The following NEB variants were observed in gnomAD, a reference collection of about 807,000 sequenced individuals.
The protein encoded by NEB is nebulin, also known as nemaline myopathy type 2.
Under a neutral mutation model 952.2 loss-of-function variants are expected in NEB, and 512 were observed. That is an observed-to-expected ratio of 0.54 (90% CI 0.50 to 0.58). The LOEUF (loss-of-function observed/expected upper bound fraction) is 0.58, where lower values mean the gene tolerates loss of function less well. NEB is among the 20% of genes least tolerant of loss of function. The probability of loss-of-function intolerance (pLI) is 0.00; values close to 1 mark genes in which losing one functional copy is unlikely to be tolerated. For missense variants in NEB, 8,428 were observed against 9,231.1 expected, an observed-to-expected ratio of 0.91 and a Z score of 3.56; for synonymous variants, 2,900 against 3,149.8, an observed-to-expected ratio of 0.92 and a Z score of 2.66.
intron 124 of NEB, among the ~76,000 whole-genome samples, chr2:151,555,838 A>G (rs1418351073): frequency 6.6e-6 from 1 of 150,722 alleles, no homozygotes; most frequent in Admixed American, 6.7e-5. Context: ...TCTATTTCTC[A>G]GCTTCAAAGA....
chr2:151,537,214 G>A lies in NEB; in HGVS notation c.21125C>T (p.Thr7042Ile). Residue 7042 changes from threonine (T) to isoleucine (I), a missense_variant, in exon 141 of 182, where the codon ACT becomes ATT. Physicochemically the swap from Thr to Ile is moderately conservative, Grantham distance 89. Transcript: ENST00000397345. ...ATAGCAACCAATGCCTTTAAGCCAAGTCAAGTCTTCTTTATATTTTACCTG... is the reference window on the plus strand; with the variant it reads ...ATAGCAACCAATGCCTTTAAGCCAAATCAAGTCTTCTTTATATTTTACCTG... ...VSDVKYKEDL[T>I]WLKGIGCYAY... is the part of the protein sequence containing the mutation. 1 of 1,611,864 alleles carries A rather than the reference G, an allele frequency of 6.2e-7. No homozygotes were observed. The highest frequency in any genetic ancestry group is 8.5e-7 in the Non-Finnish European group (1 of 1,178,348).
At position 151,697,619 on chromosome 2, in the gene NEB, T is replaced by C. The variant is rs186233985; in HGVS notation, c.1182A>G (p.Thr394=). The C allele has an allele frequency of 3.7e-6, 6 of 1,611,024 alleles. No individual in the cohort carries two copies. The Admixed American group carries it at 8.4e-5, about 23-fold the overall frequency. ...CGCAGTAATTTATGCTCTTTGCTTT[T>C]GTCTTTTCATAGTTTTCCTTGTATA... is the stretch of plus-strand genomic sequence containing the variant. ...DKLYKENYEK[T]KAKSINYCET... Residue 394 remains threonine (T), a synonymous_variant, in exon 14 of 182, where the codon ACA becomes ACG. Transcript: ENST00000397345.
chr2:151,496,874 A>ATTAT (rs1462590875), intron 172 of NEB, 67 bp downstream of exon 172: 28 of 1,434,846 alleles, frequency 2.0e-5, no homozygotes, highest in Non-Finnish European at 2.6e-5. Flanking sequence ...ATTAATATGT[A>ATTAT]TTATTTTAAA....
intron 150 of NEB, among the ~76,000 whole-genome samples, chr2:151,525,643 A>G (rs1257610910): frequency 6.6e-6 from 1 of 152,198 alleles, no homozygotes; most frequent in African/African-American, 2.4e-5. Flanking sequence ...CCTTTCTAAA[A>G]TTGGGTAGCA....
chr2:151,688,179 T>C (rs1394155016), intron 25 of NEB, 113 bp downstream of exon 25: 2 of 839,782 alleles, frequency 2.4e-6, no homozygotes, highest in African/African-American at 1.7e-5. Context: ...ACTTACAAAG[T>C]AACCATCTTA....
intron 54 of NEB, among the ~76,000 whole-genome samples, chr2:151,647,059 TC>T (rs2098969080): frequency 1.3e-5 from 2 of 151,578 alleles, no homozygotes; most frequent in South Asian, 2.1e-4. Context: ...TTATGTCTCT[TC>T]AACAGAAGAC....
chr2:151,570,479 T>A lies in NEB; in HGVS notation c.17118+18A>T. On this transcript the variant is annotated intron_variant, in intron 108 of 181. Coordinates refer to ENST00000397345, the MANE Select transcript of NEB (RefSeq NM_001164508.2). ...CGGCTGAAAAAAAAAAACTGAGAAG[T>A]TAAAAAAGGCCACTCACGTCACTGG... 2 of 1,576,366 alleles carry A rather than the reference T, an allele frequency of 1.3e-6. No homozygotes were observed. The highest frequency in any genetic ancestry group is 8.6e-7 in the Non-Finnish European group (1 of 1,168,332).
intron 44 of NEB, 147 bp downstream of exon 44, chr2:151,664,354 A>G (rs2099184604): frequency 3.5e-6 from 2 of 567,958 alleles, no homozygotes; most frequent in South Asian, 5.9e-5. Flanking sequence ...GGGTACTTGG[A>G]TGGGGTGAAG....
At chr2:151,531,308 C>CTTTTTT (rs1159075000) in intron 144 of NEB, among the ~76,000 whole-genome samples, 3 of 84,010 alleles carry the variant, frequency 3.6e-5, no homozygotes, top group African/African-American at 4.5e-5. Flanking sequence ...TTTTTTCTTT[C>CTTTTTT]TTTTTTTTTT....
chr2:151,642,642 C>T lies in NEB; in HGVS notation c.8305G>A (p.Gly2769Ser). ...ATGGCATCTACCCGCATGTCATAAC[C>T]TTTCCTCTTGGCTTCTTCTAGGCCA... The part of the protein sequence containing the change: ...KLGLEEAKRK[G>S]YDMRVDAIPI... The change falls in exon 60 of 182, where the codon GGT becomes AGT. Residue 2769 changes from glycine to serine, a missense_variant. Gly to Ser is a moderately conservative substitution (Grantham distance 56). Around this residue, in one of 11 missense-constraint regions of NEB, gnomAD observed 1,772 missense variants for 1,960.3 expected, o/e 0.90. Coordinates refer to ENST00000397345, the MANE Select transcript of NEB (RefSeq NM_001164508.2). The T allele has an allele frequency of 6.2e-7, 1 of 1,613,960 alleles. No homozygotes were observed. The highest frequency in any genetic ancestry group is 8.5e-7 in the Non-Finnish European group (1 of 1,179,858).
At chr2:151,524,467 C>CT in intron 152 of NEB, 48 bp downstream of exon 152, 2 of 1,613,152 alleles carry the variant, frequency 1.2e-6, no homozygotes. Context: ...CCTGGCATGC[C>CT]TTGGCAATGG....
At chr2:151,538,770 CTTCAT>C (rs2093631271) in intron 138 of NEB, among the ~76,000 whole-genome samples, 1 of 152,138 alleles carries the variant, frequency 6.6e-6, no homozygotes, top group East Asian at 1.9e-4. Flanking sequence ...AGTCTTAAAA[CTTCAT>C]TTCATTATAA....
chr2:151,527,076 C>T, intron 147 of NEB, 54 bp from the exon 148 acceptor site: 1 of 1,236,472 alleles, frequency 8.1e-7, no homozygotes, highest in South Asian at 1.3e-5. Context: ...CAGGAGGAAG[C>T]TGGGCATTTG....
chr2:151,512,399 G>T (rs887066755), intron 161 of NEB, among the ~76,000 whole-genome samples: 2 of 151,362 alleles, frequency 1.3e-5, no homozygotes, highest in Admixed American at 6.6e-5. Context: ...AGTCACAGCT[G>T]ACTGCAGCCT....
chr2:151,631,424 T>A, intron 65 of NEB, 78 bp from the exon 66 acceptor site: 1 of 1,431,286 alleles, frequency 7.0e-7, no homozygotes, highest in Non-Finnish European at 9.5e-7. Context: ...GAATCAGTAA[T>A]AAAGTGCAAT....
intron 37 of NEB, among the ~76,000 whole-genome samples, chr2:151,671,705 A>C (rs1293668899): frequency 2.0e-5 from 3 of 152,206 alleles, no homozygotes; most frequent in African/African-American, 7.2e-5. Flanking sequence ...GAAGACTTCA[A>C]AACTAAATTA....
chr2:151,628,862 C>G (rs918419800), intron 68 of NEB, among the ~76,000 whole-genome samples: 4 of 151,504 alleles, frequency 2.6e-5, no homozygotes, highest in Non-Finnish European at 5.9e-5. Flanking sequence ...GACTCTGAGA[C>G]TCTGTCTCAA....
At chr2:151,627,957 T>C in intron 68 of NEB, 123 bp from the exon 69 acceptor site, 1 of 1,256,122 alleles carries the variant, frequency 8.0e-7, no homozygotes, top group Non-Finnish European at 1.1e-6. Flanking sequence ...AATCTGCATA[T>C]CAGTTTATCT....
intron 173 of NEB, among the ~76,000 whole-genome samples, chr2:151,494,546 C>CCTG: frequency 6.6e-6 from 1 of 152,248 alleles, no homozygotes. Flanking sequence ...ATGTCAAGCC[C>CCTG]CTGAGAGATG....
Sources: allele counts gnomAD v4.1 joint callset (sites outside exome capture counted in the v4.1 genomes callset), GRCh38; gene constraint gnomAD v4.1.1; regional missense constraint gnomAD v4.1.1; transcripts MANE v1.5; gene names NCBI Gene and HGNC (gene_info 2026-07-23, HGNC 2026-07-21).